GAREM1: variants seen among roughly 807,000 people sequenced by gnomAD.
GAREM1 encodes the protein GRB2-associated and regulator of MAPK protein 1.
GAREM1 carries 26 observed loss-of-function variants against 71.3 expected under a neutral mutation model. That is an observed-to-expected ratio of 0.36 (90% CI 0.27 to 0.51). The LOEUF (loss-of-function observed/expected upper bound fraction) is 0.51, where lower values mean the gene tolerates loss of function less well. GAREM1 is among the 20% of genes least tolerant of loss of function. The probability of loss-of-function intolerance (pLI) is 0.95; values close to 1 mark genes in which losing one functional copy is unlikely to be tolerated. For synonymous variants in GAREM1, 440 were observed against 433.2 expected (o/e 1.02, Z -0.20); for missense variants, 1,026 against 1,103.1 (o/e 0.93, Z 0.99).
chr18:32,273,208 T>C (rs745354480), intron 4 of GAREM1, among the ~76,000 whole-genome samples: 1 of 152,228 alleles, frequency 6.6e-6, no homozygotes, highest in Non-Finnish European at 1.5e-5. Flanking sequence ...GAGGAAAACA[T>C]GGTTAATGCT....
At chr18:32,316,845 C>T (rs572380187) in intron 2 of GAREM1, among the ~76,000 whole-genome samples, 2 of 152,144 alleles carry the variant, frequency 1.3e-5, no homozygotes, top group Admixed American at 1.3e-4. Flanking sequence ...CACTAGGTCA[C>T]AATACACATG....
chr18:32,424,067 T>C (rs932636424), intron 1 of GAREM1, among the ~76,000 whole-genome samples: 5 of 151,310 alleles, frequency 3.3e-5, no homozygotes, highest in African/African-American at 7.3e-5. Flanking sequence ...GCCCAGGAGA[T>C]AGAGGCTGCA....
intron 2 of GAREM1, among the ~76,000 whole-genome samples, chr18:32,377,194 A>C (rs1369918810): frequency 6.6e-6 from 1 of 152,228 alleles, no homozygotes; most frequent in African/African-American, 2.4e-5. Context: ...GAAAACCCCA[A>C]GGTGTTAGGC....
intron 1 of GAREM1, among the ~76,000 whole-genome samples, chr18:32,423,073 T>C (rs2048536303): frequency 6.6e-6 from 1 of 152,214 alleles, no homozygotes; most frequent in African/African-American, 2.4e-5. Flanking sequence ...TATCTCAATG[T>C]AGTATCAAAG....
intron 2 of GAREM1, among the ~76,000 whole-genome samples, chr18:32,325,635 G>T (rs679614): frequency 0.09 from 13,725 of 152,254 alleles, 672 homozygotes; most frequent in South Asian, 0.12. Flanking sequence ...GGCACGTTTT[G>T]TTCTCATGGC....
At chr18:32,418,695 T>A (rs1187917795) in intron 1 of GAREM1, among the ~76,000 whole-genome samples, 1 of 151,982 alleles carries the variant, frequency 6.6e-6, no homozygotes, top group Non-Finnish European at 1.5e-5. Flanking sequence ...AAGATCGAAC[T>A]GGGGGTTTCA....
chr18:32,378,253 A>T (rs892518544), intron 2 of GAREM1, among the ~76,000 whole-genome samples: 2 of 152,064 alleles, frequency 1.3e-5, no homozygotes, highest in Admixed American at 1.3e-4. Context: ...TAATCTTAGC[A>T]CTTTGAGCGG....
At chr18:32,314,953 T>C (rs1204624984) in intron 2 of GAREM1, among the ~76,000 whole-genome samples, 1 of 152,186 alleles carries the variant, frequency 6.6e-6, no homozygotes, top group African/African-American at 2.4e-5. Context: ...TTAAGCCAGG[T>C]ATACTTTCAT....
chr18:32,370,829 C>T (rs1346277796), intron 2 of GAREM1, among the ~76,000 whole-genome samples: 1 of 152,150 alleles, frequency 6.6e-6, no homozygotes, highest in African/African-American at 2.4e-5. Flanking sequence ...GTTCAAACTA[C>T]CTGCTGTTTA....
intron 2 of GAREM1, among the ~76,000 whole-genome samples, chr18:32,322,235 C>T (rs1390138882): frequency 6.6e-6 from 1 of 152,124 alleles, no homozygotes; most frequent in Non-Finnish European, 1.5e-5. Context: ...TTTAACCCTA[C>T]AGGTTAGCTT....
intron 4 of GAREM1, among the ~76,000 whole-genome samples, chr18:32,273,465 A>G (rs2041493022): frequency 6.6e-6 from 1 of 152,220 alleles, no homozygotes; most frequent in African/African-American, 2.4e-5. Context: ...CAGGTACCCA[A>G]GGTCACTTAG....
intron 1 of GAREM1, among the ~76,000 whole-genome samples, chr18:32,395,611 A>T (rs1204739362): frequency 6.6e-6 from 1 of 152,208 alleles, no homozygotes. Context: ...TATAAAGAAG[A>T]CTTAGTCCCT....
At chr18:32,427,992 T>A (rs1369581578) in intron 1 of GAREM1, among the ~76,000 whole-genome samples, 1 of 152,132 alleles carries the variant, frequency 6.6e-6, no homozygotes, top group Non-Finnish European at 1.5e-5. Context: ...GTATATTATA[T>A]GGAGAGTTCT....
intron 5 of GAREM1, 75 bp from the exon 6 acceptor site, chr18:32,268,843 C>A (rs527469268): frequency 1.6e-6 from 2 of 1,261,588 alleles, no homozygotes; most frequent in Admixed American, 2.1e-5. Flanking sequence ...TATTTATAGA[C>A]GTTACTGCTG....
In GAREM1 at chr18:32,464,960, T is replaced by G. The variant is rs188916726; in HGVS notation, c.121+5348A>C. On this transcript the variant is annotated intron_variant, in intron 1 of 5. Coordinates refer to ENST00000269209, the MANE Select transcript of GAREM1 (RefSeq NM_001242409.2). ...AAGTGTTAGTTGACTGAATAAACAA[T>G]TTACTGAATGAAGAATAGGGGCAAG... Among the ~76,000 whole-genome samples, 3 of 152,230 alleles carry G rather than the reference T, an allele frequency of 2.0e-5. No individual in the cohort carries two copies. In the East Asian group the frequency reaches 5.8e-4, roughly 29 times the overall value.
intron 2 of GAREM1, among the ~76,000 whole-genome samples, chr18:32,324,343 C>G (rs1447374156): frequency 1.3e-5 from 2 of 152,124 alleles, no homozygotes; most frequent in Non-Finnish European, 2.9e-5. Context: ...GAAACATGAC[C>G]CTGTTCTTGG....
At chr18:32,444,958 T>C (rs934451624) in intron 1 of GAREM1, among the ~76,000 whole-genome samples, 1 of 152,160 alleles carries the variant, frequency 6.6e-6, no homozygotes, top group Non-Finnish European at 1.5e-5. Flanking sequence ...AGGCAATACT[T>C]CCTTCTTGTA....
At chr18:32,364,009 T>TG (rs2047896113) in intron 2 of GAREM1, among the ~76,000 whole-genome samples, 1 of 50,590 alleles carries the variant, frequency 2.0e-5, no homozygotes, top group Non-Finnish European at 3.6e-5. Context: ...TATATATATA[T>TG]ATATATATAT....
intron 2 of GAREM1, among the ~76,000 whole-genome samples, chr18:32,384,364 G>T (rs1313293538): frequency 6.6e-6 from 1 of 152,192 alleles, no homozygotes; most frequent in African/African-American, 2.4e-5. Context: ...CTGTAAATAG[G>T]ATTCAAGGAT....
Sources: gnomAD v4.1 joint callset for allele counts (sites outside exome capture counted in the v4.1 genomes callset) on GRCh38, gnomAD v4.1.1 for gene constraint, MANE v1.5 for transcripts, NCBI Gene and HGNC (gene_info 2026-07-23, HGNC 2026-07-21) for gene names.